Variants in PICALM observed in about 807,000 individuals in gnomAD.
PICALM encodes phosphatidylinositol-binding clathrin assembly protein.
PICALM carries 40 observed loss-of-function variants against 80.5 expected under a neutral mutation model. That is an observed-to-expected ratio of 0.50 (90% CI 0.39 to 0.65). The LOEUF is 0.65. Among genes scored for constraint, PICALM ranks in the 30% least tolerant of loss-of-function variants. PICALM has a pLI of 0.00. For missense variants in PICALM, 676 were observed against 778.9 expected (o/e 0.87, Z 1.57); for synonymous variants, 288 against 260.3 (o/e 1.11, Z -1.02).
At chr11:86,058,920 T>C (rs2096311073) in intron 1 of PICALM, among the ~76,000 whole-genome samples, 1 of 152,240 alleles carries the variant, frequency 6.6e-6, no homozygotes, top group South Asian at 2.1e-4. Context: ...TTCAAGAATA[T>C]GTCCTCAAAA....
intron 4 of PICALM, 94 bp from the exon 5 acceptor site, chr11:86,015,057 C>A: frequency 1.5e-6 from 1 of 686,182 alleles, no homozygotes; most frequent in South Asian, 1.9e-5. Flanking sequence ...AACAGAGAAC[C>A]AAGTTGCTAT....
chr11:85,969,006 G>C (rs1265568429), intron 19 of PICALM, among the ~76,000 whole-genome samples: 2 of 147,146 alleles, frequency 1.4e-5, no homozygotes, highest in African/African-American at 5.0e-5. Context: ...ACGGAGAAAA[G>C]GGTATGTGTA....
intron 17 of PICALM, chr11:85,976,976 G>C (rs2094302977): frequency 4.5e-6 from 1 of 219,936 alleles, no homozygotes; most frequent in African/African-American, 2.3e-5. Flanking sequence ...ATTTAAAAAA[G>C]TATCTTAAAT....
chr11:86,010,159 G>T (rs1438526259), intron 7 of PICALM, among the ~76,000 whole-genome samples: 1 of 152,114 alleles, frequency 6.6e-6, no homozygotes, highest in East Asian at 1.9e-4. Flanking sequence ...GAACGCCTCT[G>T]TGGTAGCAAG....
chr11:85,993,441 A>AT (rs2094857424), intron 12 of PICALM, among the ~76,000 whole-genome samples: 1 of 150,988 alleles, frequency 6.6e-6, no homozygotes, highest in South Asian at 2.1e-4. Context: ...TTCAAGTTTA[A>AT]TTTTTTCATT....
At chr11:86,035,070 AAAC>A (rs2095816896) in intron 1 of PICALM, among the ~76,000 whole-genome samples, 1 of 152,250 alleles carries the variant, frequency 6.6e-6, no homozygotes, top group Non-Finnish European at 1.5e-5. Context: ...TTAAAAACAA[AAAC>A]AATAGAAAAA....
At chr11:86,030,634 C>CA (rs376256585) in intron 2 of PICALM, among the ~76,000 whole-genome samples, 64 of 152,288 alleles carry the variant, frequency 4.2e-4, no homozygotes, top group Middle Eastern at 6.8e-3. Flanking sequence ...ATGATTCTCT[C>CA]AAAACAGATT....
intron 12 of PICALM, among the ~76,000 whole-genome samples, chr11:85,994,993 C>A (rs528387958): frequency 3.3e-5 from 5 of 152,134 alleles, no homozygotes; most frequent in Non-Finnish European, 7.3e-5. Flanking sequence ...TGTGAGCCAT[C>A]GCACCTGGCC....
At chr11:86,003,254 T>C in intron 9 of PICALM, 112 bp downstream of exon 9, 1 of 573,642 alleles carries the variant, frequency 1.7e-6, no homozygotes, top group South Asian at 2.8e-5. Context: ...ATCCATTTTA[T>C]AGAAAATGAA....
At chr11:86,005,544 A>G (rs890472005) in intron 8 of PICALM, among the ~76,000 whole-genome samples, 4 of 152,116 alleles carry the variant, frequency 2.6e-5, no homozygotes, top group Non-Finnish European at 4.4e-5. Flanking sequence ...TCTCCACAAA[A>G]AAATAAAAAA....
chr11:85,968,201 C>T (rs1328686278), intron 19 of PICALM, among the ~76,000 whole-genome samples: 2 of 152,060 alleles, frequency 1.3e-5, no homozygotes, highest in Non-Finnish European at 2.9e-5. Context: ...TGTGTGCCTG[C>T]AGTCTTAGCT....
rs775468753 is a variant in PICALM at position 86,026,270 on chromosome 11, A to C, written c.349+22T>G. The C allele has an allele frequency of 2.4e-5, 32 of 1,327,726 alleles. No homozygotes were observed. The Middle Eastern group carries it at 5.5e-4, about 23-fold the overall frequency. 82.2% of individuals were successfully genotyped at this position (1,327,726 alleles called of 1,614,324 possible). A position where few individuals can be genotyped will look rare whatever the true frequency, so the allele number is the denominator to read the frequency against. On this transcript the variant is annotated intron_variant, in intron 3 of 19. Coordinates refer to ENST00000393346, the MANE Select transcript of PICALM (RefSeq NM_007166.4). ...GTGGGTGTCATTCTTTTGATTTTCTATAATGTAAAAGTTATCTTTACCTTG... is the reference window on the plus strand; with the variant it reads ...GTGGGTGTCATTCTTTTGATTTTCTCTAATGTAAAAGTTATCTTTACCTTG...
intron 1 of PICALM, among the ~76,000 whole-genome samples, chr11:86,051,072 G>A (rs1386353319): frequency 1.3e-5 from 2 of 152,142 alleles, no homozygotes; most frequent in Non-Finnish European, 2.9e-5. Flanking sequence ...ATGATAATAA[G>A]ATATGCAAAT....
Position 85,990,244 on chromosome 11 carries a change from CT to C in PICALM, c.1408+5del. On this transcript the variant is annotated splice_donor_5th_base_variant and intron_variant, in intron 13 of 19. Coordinates refer to ENST00000393346, the MANE Select transcript of PICALM (RefSeq NM_007166.4). ...GATTGGAAAAAAAGGTTAAATGGTA[CT>C]TTACCAACAAACATTTCATGAGTAG... 6.4e-7 allele frequency: 1 copy of C among 1,568,086 alleles called. No individual in the cohort carries two copies.
chr11:86,056,947 G>A (rs938189517), intron 1 of PICALM, among the ~76,000 whole-genome samples: 3 of 152,110 alleles, frequency 2.0e-5, no homozygotes, highest in African/African-American at 4.8e-5. Context: ...CCATTAATAC[G>A]AAATGTACAG....
At chr11:85,983,365 T>C (rs2094496367) in intron 14 of PICALM, among the ~76,000 whole-genome samples, 1 of 152,120 alleles carries the variant, frequency 6.6e-6, no homozygotes, top group African/African-American at 2.4e-5. Context: ...ATAATAAGAA[T>C]CATTCATAAA....
At chr11:86,031,158 G>T (rs2136761065) in intron 2 of PICALM, among the ~76,000 whole-genome samples, 1 of 93,150 alleles carries the variant, frequency 1.1e-5, no homozygotes, top group African/African-American at 5.8e-5. Context: ...TATAATAAAA[G>T]AACAAATGGA....
At chr11:86,000,902 G>A (rs2095123829) in intron 10 of PICALM, 123 bp from the exon 11 acceptor site, 6 of 1,480,456 alleles carry the variant, frequency 4.1e-6, no homozygotes, top group Middle Eastern at 3.9e-4. Flanking sequence ...TTCTATGTCA[G>A]GACGAAAAGT....
At chr11:85,979,484 C>T (rs531778898) in intron 17 of PICALM, among the ~76,000 whole-genome samples, 10 of 147,522 alleles carry the variant, frequency 6.8e-5, no homozygotes, top group Admixed American at 3.4e-4. Context: ...AGCAAGACTC[C>T]GTCACAAAAA....
Sources: allele counts gnomAD v4.1 joint callset (sites outside exome capture counted in the v4.1 genomes callset), GRCh38; gene constraint gnomAD v4.1.1; transcripts MANE v1.5; gene names NCBI Gene and HGNC (gene_info 2026-07-23, HGNC 2026-07-21).